Variants in SNTG2 observed in about 807,000 individuals in gnomAD.
SNTG2 encodes the protein syntrophin gamma 2.
Under a neutral mutation model 70.9 loss-of-function variants are expected in SNTG2, and 74 were observed. The ratio of observed to expected loss-of-function variants is 1.04; its 90% CI spans 0.86 to 1.27. The LOEUF (loss-of-function observed/expected upper bound fraction) is 1.27, where lower values mean the gene tolerates loss of function less well. Ranked by LOEUF, SNTG2 falls within the 50% of genes most tolerant of loss-of-function variation. SNTG2 has a pLI of 0.00. For synonymous variants in SNTG2, 278 were observed against 273.8 expected (o/e 1.02, Z -0.15); for missense variants, 717 against 690.7 (o/e 1.04, Z -0.43).
chr2:1,131,709 T>G (rs1386226974), intron 4 of SNTG2, among the ~76,000 whole-genome samples: 2 of 151,736 alleles, frequency 1.3e-5, no homozygotes, highest in Non-Finnish European at 2.9e-5. Context: ...TGGAGTGCAG[T>G]GGTGTGATCT....
chr2:972,363 AC>A (rs1660770973), intron 1 of SNTG2, among the ~76,000 whole-genome samples: 2 of 152,042 alleles, frequency 1.3e-5, no homozygotes, highest in Non-Finnish European at 2.9e-5. Flanking sequence ...CTTGATGTGA[AC>A]CCTTTACCAT....
intron 1 of SNTG2, among the ~76,000 whole-genome samples, chr2:987,022 A>G (rs905034317): frequency 2.0e-5 from 3 of 152,242 alleles, no homozygotes; most frequent in Non-Finnish European, 4.4e-5. Context: ...AGTGTTGCTC[A>G]TGTCCTTAGC....
intron 1 of SNTG2, among the ~76,000 whole-genome samples, chr2:1,080,668 A>G (rs938283389): frequency 6.6e-6 from 1 of 151,610 alleles, no homozygotes; most frequent in Non-Finnish European, 1.5e-5. Flanking sequence ...GTGTGCATGC[A>G]TCCCTGTATG....
chr2:1,352,495 A>G (rs1391418778), intron 16 of SNTG2, among the ~76,000 whole-genome samples: 2 of 152,160 alleles, frequency 1.3e-5, no homozygotes, highest in African/African-American at 4.8e-5. Context: ...TTGAGCACAC[A>G]GTTCAGCAAC....
At chr2:1,058,855 G>A (rs1662630908) in intron 1 of SNTG2, among the ~76,000 whole-genome samples, 1 of 152,196 alleles carries the variant, frequency 6.6e-6, no homozygotes, top group African/African-American at 2.4e-5. Flanking sequence ...GAGCTTCCCT[G>A]TGCCAGAGCC....
At chr2:1,310,958 A>G (rs1680955261) in intron 15 of SNTG2, among the ~76,000 whole-genome samples, 1 of 152,208 alleles carries the variant, frequency 6.6e-6, no homozygotes, top group African/African-American at 2.4e-5. Flanking sequence ...TCCTATAATT[A>G]AAGCGCATTT....
chr2:1,210,387 G>A (rs1673960912), intron 9 of SNTG2: 1 of 152,202 alleles, frequency 6.6e-6, no homozygotes, highest in Non-Finnish European at 1.5e-5. Context: ...CAGACAGACA[G>A]ATAGATAATA....
At chr2:1,095,888 C>G (rs1047062320) in intron 2 of SNTG2, among the ~76,000 whole-genome samples, 2 of 152,168 alleles carry the variant, frequency 1.3e-5, no homozygotes, top group South Asian at 2.1e-4. Flanking sequence ...CCTTAGAACT[C>G]AGAAGCGTAA....
At chr2:1,227,448 G>A (rs1212568669) in intron 9 of SNTG2, among the ~76,000 whole-genome samples, 2 of 152,248 alleles carry the variant, frequency 1.3e-5, no homozygotes, top group African/African-American at 2.4e-5. Context: ...TGTTCGCTCC[G>A]GAAGTGGAGG....
At chr2:962,563 A>T (rs894248057) in intron 1 of SNTG2, among the ~76,000 whole-genome samples, 5 of 152,244 alleles carry the variant, frequency 3.3e-5, no homozygotes, top group African/African-American at 4.8e-5. Flanking sequence ...AAATAATTAG[A>T]TGAAGTAAGG....
chr2:1,183,762 T>C (rs1672079247), intron 8 of SNTG2, among the ~76,000 whole-genome samples: 4 of 152,190 alleles, frequency 2.6e-5, no homozygotes, highest in African/African-American at 9.7e-5. Context: ...AAAACTCAGA[T>C]GCAAAAGGCA....
intron 1 of SNTG2, among the ~76,000 whole-genome samples, chr2:994,245 A>G (rs1661599949): frequency 6.6e-6 from 1 of 152,106 alleles, no homozygotes; most frequent in Non-Finnish European, 1.5e-5. Context: ...CCAGCATCAT[A>G]TTTTCAAAAG....
chr2:1,021,428 T>C (rs752209200), intron 1 of SNTG2, among the ~76,000 whole-genome samples: 1 of 152,194 alleles, frequency 6.6e-6, no homozygotes, highest in Non-Finnish European at 1.5e-5. Context: ...AGGAGATATA[T>C]TGCTTTTTAA....
chr2:1,311,917 C>A (rs563155294), intron 15 of SNTG2, among the ~76,000 whole-genome samples: 1 of 152,286 alleles, frequency 6.6e-6, no homozygotes, highest in Admixed American at 6.5e-5. Context: ...ATTCACCAAA[C>A]TCTTGCAAGG....
At position 1,081,665 on chromosome 2, in the gene SNTG2, C is replaced by T. The variant is rs561253748; in HGVS notation, c.73-1853C>T. ...CACAGGCACTGCCCCTTCCAGAGAG[C>T]TGGTGGATCCACAGACGTCCCGTGA... On this transcript the variant is annotated intron_variant, in intron 1 of 16. Coordinates refer to ENST00000308624, the MANE Select transcript of SNTG2 (RefSeq NM_018968.4). Among the ~76,000 whole-genome samples, 4 of 152,346 alleles carry T rather than the reference C, an allele frequency of 2.6e-5. No individual in the cohort carries two copies. In the South Asian group the frequency reaches 8.3e-4, roughly 32 times the overall value.
At chr2:1,261,717 A>T (rs1215690673) in intron 13 of SNTG2, among the ~76,000 whole-genome samples, 1 of 152,166 alleles carries the variant, frequency 6.6e-6, no homozygotes, top group African/African-American at 2.4e-5. Context: ...CTTAGTAATG[A>T]TAGCTGTCTT....
chr2:1,060,532 C>A (rs1295756479), intron 1 of SNTG2, among the ~76,000 whole-genome samples: 22 of 152,118 alleles, frequency 1.4e-4, no homozygotes, highest in Non-Finnish European at 1.8e-4. Context: ...GAACCAGGGC[C>A]CCTGAGGACA....
At chr2:960,011 T>C (rs1262854085) in intron 1 of SNTG2, among the ~76,000 whole-genome samples, 2 of 152,134 alleles carry the variant, frequency 1.3e-5, no homozygotes, top group Non-Finnish European at 2.9e-5. Context: ...TCTATCCTGC[T>C]TTTTAGAATT....
intron 4 of SNTG2, among the ~76,000 whole-genome samples, chr2:1,111,716 G>A (rs1666452729): frequency 6.6e-6 from 1 of 152,158 alleles, no homozygotes; most frequent in Non-Finnish European, 1.5e-5. Context: ...ATCTCCCAAG[G>A]CCACTTAGAG....
Sources: gnomAD v4.1 joint callset for allele counts (sites outside exome capture counted in the v4.1 genomes callset) on GRCh38, gnomAD v4.1.1 for gene constraint, MANE v1.5 for transcripts, NCBI Gene and HGNC (gene_info 2026-07-23, HGNC 2026-07-21) for gene names.